The following CELSR2 variants were observed in gnomAD, a reference collection of about 807,000 sequenced individuals.
The protein encoded by CELSR2 is cadherin EGF LAG seven-pass G-type receptor 2.
Under a neutral mutation model 251.6 loss-of-function variants are expected in CELSR2, and 81 were observed. That is an observed-to-expected ratio of 0.32 (90% CI 0.27 to 0.39). CELSR2 has a LOEUF of 0.39. Among genes scored for constraint, CELSR2 ranks in the 10% least tolerant of loss-of-function variants. The probability of loss-of-function intolerance (pLI) is 1.00; values close to 1 mark genes in which losing one functional copy is unlikely to be tolerated. For missense variants in CELSR2, 3,365 were observed against 3,947.7 expected (o/e 0.85, Z 3.96); for synonymous variants, 1,721 against 1,670.5 (o/e 1.03, Z -0.74).
In CELSR2 at chr1:109,266,161, C is replaced by G; in HGVS notation, c.5968C>G (p.Arg1990Gly). ...GGCTGGGATCTGGTGGCCCCGTACCCGCTTCGGGCTGCCTGCTGCTGCTCC... is the reference window on the plus strand; with the variant it reads ...GGCTGGGATCTGGTGGCCCCGTACCGGCTTCGGGCTGCCTGCTGCTGCTCC... ...IEAGIWWPRT[R>G]FGLPAAAPCP... is the part of the protein sequence containing the mutation. Residue 1990 changes from arginine to glycine, a missense_variant, in exon 15 of 34, where the codon CGC becomes GGC. Arg to Gly is a moderately radical substitution (Grantham distance 125). Coordinates refer to ENST00000271332, the MANE Select transcript of CELSR2 (RefSeq NM_001408.3). 6.2e-7 allele frequency: 1 copy of G among 1,614,120 alleles called. No individual in the cohort carries two copies. The highest frequency in any genetic ancestry group is 8.5e-7 in the Non-Finnish European group (1 of 1,180,026).
At position 109,273,618 on chromosome 1, in the gene CELSR2, A is replaced by G; in HGVS notation, c.8692A>G (p.Ile2898Val). The G allele has an allele frequency of 6.5e-7, 1 of 1,531,418 alleles. No individual in the cohort carries two copies. Among genetic ancestry groups the G allele is most frequent in the East Asian group, 2.4e-5 (1 of 40,906 alleles). 94.9% of individuals were successfully genotyped at this position (1,531,418 alleles called of 1,614,324 possible). Residue 2898 changes from isoleucine to valine, a missense_variant, in exon 33 of 34, where the codon ATC (isoleucine) becomes GTC (valine). Ile to Val is a conservative substitution (Grantham distance 29). Around this residue, in one of 5 missense-constraint regions of CELSR2, gnomAD observed 2,093 missense variants for 2,382.8 expected, o/e 0.88. Transcript: ENST00000271332. ...LQEQLNGVMP[I>V]AMSIKAGTVD... Reference sequence around the variant, plus strand: ...GGAGCAGCTGAACGGGGTCATGCCCATCGCCATGAGCATCAAGGCAGGCAC... The same window carrying G: ...GGAGCAGCTGAACGGGGTCATGCCCGTCGCCATGAGCATCAAGGCAGGCAC...
chr1:109,261,867 C>A lies in CELSR2; in HGVS notation c.4357C>A (p.His1453Asn). Residue 1453 changes from histidine (H) to asparagine (N), a missense_variant, in exon 5 of 34, where the codon CAT (histidine) becomes AAT (asparagine). This residue lies in a region of CELSR2 where 2,093 missense variants were observed against 2,382.8 expected (regional missense o/e 0.88). Transcript: ENST00000271332. The surrounding 1 kb of genome is among the most constrained non-coding windows in gnomAD (Gnocchi z 4.8). Reference protein sequence around the residue: ...VPGGVSDGQWHTVQLKYYNKP... With the variant: ...VPGGVSDGQWNTVQLKYYNKP... ...CGGAGGAGTCAGTGATGGCCAGTGG[C>A]ATACGGTGCAGCTGAAATACTACAA... The A allele has an allele frequency of 6.3e-7, 1 of 1,589,364 alleles. No individual in the cohort carries two copies. Among genetic ancestry groups the A allele is most frequent in the Non-Finnish European group, 8.6e-7 (1 of 1,166,128 alleles).
rs1656337464 is a variant in CELSR2, at chr1:109,270,419, C to T, written c.7309-7C>T. 1.2e-6 allele frequency: 2 copies of T among 1,614,056 alleles called. No individual in the cohort carries two copies. Among genetic ancestry groups the T allele is most frequent in the South Asian group, 2.2e-5 (2 of 91,082 alleles). ...GGTCGCTGACCTGCCCTGGCCTGGG[C>T]CCTCAGTTTGCCTGCACAGTCATTG... On this transcript the variant is annotated splice_polypyrimidine_tract_variant and splice_region_variant and intron_variant, in intron 23 of 33. Transcript: ENST00000271332.
rs777116645 is a variant in CELSR2 at position 109,270,957 on chromosome 1, A to G, written c.7514A>G (p.Tyr2505Cys). 2.5e-6 allele frequency: 4 copies of G among 1,613,478 alleles called. No individual in the cohort carries two copies. In the East Asian group the frequency reaches 6.7e-5, roughly 27 times the overall value. ...GLAVGLDPEG[Y>C]GNPDFCWLSI... The stretch of plus-strand genomic sequence containing the variant: ...GCCGTGGGCCTGGACCCCGAGGGCT[A>G]CGGGAACCCTGACTTCTGCTGGCTC... The change falls in exon 25 of 34, where the codon TAC becomes TGC. Residue 2505 changes from tyrosine to cysteine, a missense_variant. Physicochemically the swap from Tyr to Cys is radical, Grantham distance 194 (BLOSUM62 -2). Around this residue, in one of 5 missense-constraint regions of CELSR2, gnomAD observed 2,093 missense variants for 2,382.8 expected, o/e 0.88. Transcript: ENST00000271332.
chr1:109,263,512 TG>T, intron 8 of CELSR2, 98 bp from the exon 9 acceptor site: 2 of 1,502,438 alleles, frequency 1.3e-6, no homozygotes, highest in Non-Finnish European at 1.8e-6. Flanking sequence ...ATGAGGGGAG[TG>T]GGCTCTGCCT....
rs1656026251 is a variant in CELSR2, at chr1:109,261,731, C to A, written c.4298-77C>A. The A allele has an allele frequency of 6.5e-7, 1 of 1,541,078 alleles. No individual in the cohort carries two copies. Among genetic ancestry groups the A allele is most frequent in the Non-Finnish European group, 8.9e-7 (1 of 1,124,098 alleles). On this transcript the variant is annotated intron_variant, in intron 4 of 33. Coordinates refer to ENST00000271332, the MANE Select transcript of CELSR2 (RefSeq NM_001408.3). The surrounding 1 kb of genome is among the most constrained non-coding windows in gnomAD (Gnocchi z 4.8). ...CTCTATCAGCCAAATCTGGGCCCAG[C>A]CCCAGCCACTGGCACCCCAAACCCT...
Position 109,250,673 on chromosome 1 carries a change from C to T in CELSR2, c.594C>T (p.Thr198=). The T allele has an allele frequency of 6.2e-7, 1 of 1,614,116 alleles. No individual in the cohort carries two copies. The highest frequency in any genetic ancestry group is 8.5e-7 in the Non-Finnish European group (1 of 1,180,032). Residue 198 remains threonine (T), a synonymous_variant, in exon 1 of 34, where the codon ACC becomes ACT. Coordinates refer to ENST00000271332, the MANE Select transcript of CELSR2 (RefSeq NM_001408.3). The surrounding 1 kb of genome is among the most constrained non-coding windows in gnomAD (Gnocchi z 4.4). The part of the protein sequence containing the change: ...ATVPENQPAG[T]PVASLRAIDP... ...TGCCGGAGAACCAGCCAGCAGGCACCCCTGTTGCATCCCTGAGGGCCATCG... is the reference window on the plus strand; with the variant it reads ...TGCCGGAGAACCAGCCAGCAGGCACTCCTGTTGCATCCCTGAGGGCCATCG...
rs779406179 is a variant in CELSR2 at position 109,270,039 on chromosome 1, G to A, written c.7214G>A (p.Arg2405His). The A allele has an allele frequency of 9.3e-6, 15 of 1,613,898 alleles. No homozygotes were observed. Among genetic ancestry groups the A allele is most frequent in the Middle Eastern group, 1.6e-4 (1 of 6,084 alleles). ...TTCCTCACTCTCTTGCGTATCCTGC[G>A]CTCCAACCAACACGGCATCCGACGT... ...FFFLTLLRIL[R>H]SNQHGIRRNL... The change falls in exon 23 of 34, where the codon CGC becomes CAC. Residue 2405 changes from arginine to histidine, a missense_variant. Physicochemically the swap from Arg to His is conservative, Grantham distance 29. This residue lies in a region of CELSR2 where 2,093 missense variants were observed against 2,382.8 expected (regional missense o/e 0.88). Coordinates refer to ENST00000271332, the MANE Select transcript of CELSR2 (RefSeq NM_001408.3).
In CELSR2 at chr1:109,269,139, C is replaced by T. The variant is rs373421048; in HGVS notation, c.6661C>T (p.Pro2221Ser). 1.9e-6 allele frequency: 3 copies of T among 1,608,948 alleles called. No individual in the cohort carries two copies. The highest frequency in any genetic ancestry group is 1.1e-5 in the South Asian group (1 of 90,794). ...GCCCCCCGTGGTCAGGCCCGCAGGC[C>T]CCGGAGAGGCCCAGGAGCCAGAGGA... The part of the protein sequence containing the change: ...ETPPVVRPAG[P>S]GEAQEPEELA... Residue 2221 changes from proline (P) to serine (S), a missense_variant, in exon 20 of 34, where the codon CCC becomes TCC. Transcript: ENST00000271332. The surrounding 1 kb of genome is among the most constrained non-coding windows in gnomAD (Gnocchi z 6.4).
chr1:109,273,410 C>A lies in CELSR2; in HGVS notation c.8510-26C>A, dbSNP rs774837359. 6 of 1,607,578 alleles carry A rather than the reference C, an allele frequency of 3.7e-6. No individual in the cohort carries two copies. The African/African-American group carries it at 8.0e-5, about 22-fold the overall frequency. ...TACCTCACATTCTCCTGTGGCCGCACCTCACAGCCCCGCCCCGGCCCACAG... is the reference window on the plus strand; with the variant it reads ...TACCTCACATTCTCCTGTGGCCGCAACTCACAGCCCCGCCCCGGCCCACAG... On this transcript the variant is annotated intron_variant, in intron 32 of 33. Coordinates refer to ENST00000271332, the MANE Select transcript of CELSR2 (RefSeq NM_001408.3).
In CELSR2 at chr1:109,269,921, C is replaced by T; in HGVS notation, c.7108-12C>T. 6.2e-7 allele frequency: 1 copy of T among 1,614,138 alleles called. No homozygotes were observed. The highest frequency in any genetic ancestry group is 8.5e-7 in the Non-Finnish European group (1 of 1,180,010). ...TTCCTAATTCCCTGGCCCCCTGCCA[C>T]CTACTCTGCAGAATGGGGAGATCCT... On this transcript the variant is annotated splice_polypyrimidine_tract_variant and intron_variant, in intron 22 of 33. Coordinates refer to ENST00000271332, the MANE Select transcript of CELSR2 (RefSeq NM_001408.3). This position sits in a 1 kb window ranked among gnomAD's most constrained non-coding sequence, Gnocchi z 6.4.
Position 109,261,240 on chromosome 1 carries a change from GT to G in CELSR2, c.4160del (p.Phe1387SerfsTer35). 1 of 1,613,582 alleles carries G rather than the reference GT, an allele frequency of 6.2e-7. No homozygotes were observed. The highest frequency in any genetic ancestry group is 8.5e-7 in the Non-Finnish European group (1 of 1,180,010). The stretch of plus-strand genomic sequence containing the variant: ...ATCACCTTTCGCGGCCTGCGCCAGC[GT>G]TTCCACTTCACCCTGGCCCTCTCGT... ...SFITFRGLRQRFHFTLALSFA... is the reference protein window; with the variant it reads ...SFITFRGLRQXFHFTLALSFA... On this transcript the variant is annotated frameshift_variant, in exon 3 of 34. Transcript: ENST00000271332. LOFTEE classifies it high-confidence loss of function. This position sits in a 1 kb window ranked among gnomAD's most constrained non-coding sequence, Gnocchi z 4.8.
intron 9 of CELSR2, 37 bp downstream of exon 9, chr1:109,263,814 A>C (rs776168392): frequency 1.9e-6 from 3 of 1,602,958 alleles, no homozygotes; most frequent in East Asian, 4.5e-5. Context: ...TGGCCTGGCC[A>C]TAGGGCCCTG....
At position 109,267,946 on chromosome 1, in the gene CELSR2, C is replaced by T. The variant is rs764920711; in HGVS notation, c.6204C>T (p.Gly2068=). The change falls in exon 17 of 34, where the codon GGC becomes GGT. Residue 2068 remains glycine, a synonymous_variant. Coordinates refer to ENST00000271332, the MANE Select transcript of CELSR2 (RefSeq NM_001408.3). The stretch of plus-strand genomic sequence containing the variant: ...GCAACGCCACGCAGCACACAGCTGG[C>T]TACTTCGGCAGCGACGTCAAGGTGG... ...LLRNATQHTA[G]YFGSDVKVAY... is the part of the protein sequence containing the mutation. 1.2e-5 allele frequency: 19 copies of T among 1,611,688 alleles called. No individual in the cohort carries two copies. Among genetic ancestry groups the T allele is most frequent in the Admixed American group, 1.2e-4 (7 of 59,992 alleles).
rs758369699 is a variant in CELSR2, at chr1:109,272,274, C to T, written c.7927-4C>T. 1 of 1,582,226 alleles carries T rather than the reference C, an allele frequency of 6.3e-7. No homozygotes were observed. The highest frequency in any genetic ancestry group is 8.6e-7 in the Non-Finnish European group (1 of 1,160,712). ...ACTTACTGACCTCTCTGTTCCCTGC[C>T]TAGTCCTACAACTGCCCCAGCCCCT... On this transcript the variant is annotated splice_polypyrimidine_tract_variant and splice_region_variant and intron_variant, in intron 28 of 33. Transcript: ENST00000271332.
At position 109,266,225 on chromosome 1, in the gene CELSR2, G is replaced by A. The variant is rs1656183518; in HGVS notation, c.6013+19G>A. ...TCCTTTGGTAGGTGTTGGAGGCCCC[G>A]ATGTGATGTCGAGGACATGGCCTCT... On this transcript the variant is annotated intron_variant, in intron 15 of 33. Transcript: ENST00000271332. The A allele has an allele frequency of 3.1e-6, 5 of 1,613,340 alleles. No homozygotes were observed. The highest frequency in any genetic ancestry group is 2.7e-5 in the African/African-American group (2 of 75,032).
rs1655619674 is a variant in CELSR2 at position 109,249,755 on chromosome 1, G to A, written c.-325G>A. Among the ~76,000 whole-genome samples, 1 of 149,456 alleles carries A rather than the reference G, an allele frequency of 6.7e-6. No individual in the cohort carries two copies. The highest frequency in any genetic ancestry group is 1.5e-5 in the Non-Finnish European group (1 of 67,062). On this transcript the variant is annotated 5_prime_UTR_variant, in exon 1 of 34. Coordinates refer to ENST00000271332, the MANE Select transcript of CELSR2 (RefSeq NM_001408.3). ...AGGGGGCACCCCGGCTCCGGAACCC[G>A]GGGCCCGGCAAGGCCAGGGGCGCCG...
At chr1:109,257,717 C>T (rs1259129063) in intron 1 of CELSR2, among the ~76,000 whole-genome samples, 1 of 152,152 alleles carries the variant, frequency 6.6e-6, no homozygotes, top group African/African-American at 2.4e-5. Context: ...GCCTTCCGGT[C>T]CCCCACCCCG....
chr1:109,251,040 A>G lies in CELSR2; in HGVS notation c.961A>G (p.Asn321Asp). 6.2e-7 allele frequency: 1 copy of G among 1,613,440 alleles called. No individual in the cohort carries two copies. The highest frequency in any genetic ancestry group is 8.5e-7 in the Non-Finnish European group (1 of 1,179,944). The change falls in exon 1 of 34, where the codon AAT becomes GAT. Residue 321 changes from asparagine (N) to aspartate (D), a missense_variant. Coordinates refer to ENST00000271332, the MANE Select transcript of CELSR2 (RefSeq NM_001408.3). The surrounding 1 kb of genome is among the most constrained non-coding windows in gnomAD (Gnocchi z 4.9). ...VRATDGDAPP[N>D]ANILYRLLEG... The stretch of plus-strand genomic sequence containing the variant: ...GGCCACGGATGGTGATGCCCCTCCC[A>G]ATGCCAATATTCTGTACCGCCTGCT...
Sources: gnomAD v4.1 joint callset for allele counts (sites outside exome capture counted in the v4.1 genomes callset) on GRCh38, gnomAD v4.1.1 for gene constraint, gnomAD v4.1.1 regional missense constraint, Gnocchi (gnomAD v3.1) non-coding constraint, MANE v1.5 for transcripts, NCBI Gene and HGNC (gene_info 2026-07-23, HGNC 2026-07-21) for gene names.